The following OSMR variants were observed in gnomAD, a reference collection of about 807,000 sequenced individuals.
OSMR encodes oncostatin-M-specific receptor subunit beta.
OSMR carries 81 observed loss-of-function variants against 99.9 expected under a neutral mutation model. That is an observed-to-expected ratio of 0.81 (90% CI 0.68 to 0.97). The LOEUF (loss-of-function observed/expected upper bound fraction) is 0.97. OSMR is among the 50% of genes least tolerant of loss of function. The pLI is 0.00. For missense variants in OSMR, 1,099 were observed against 1,153.4 expected, an observed-to-expected ratio of 0.95 and a Z score of 0.68; for synonymous variants, 406 against 410.4, an observed-to-expected ratio of 0.99 and a Z score of 0.13.
intron 9 of OSMR, among the ~76,000 whole-genome samples, chr5:38,910,904 G>C (rs1745536924): frequency 6.6e-6 from 1 of 152,182 alleles, no homozygotes; most frequent in African/African-American, 2.4e-5. Flanking sequence ...CAGCCAGTCG[G>C]GAGGCTGAGG....
At chr5:38,868,956 C>T in intron 1 of OSMR, 76 bp from the exon 2 acceptor site, 4 of 1,552,896 alleles carry the variant, frequency 2.6e-6, no homozygotes. Flanking sequence ...GCCTCATCTA[C>T]CACAATTGGC....
In OSMR at chr5:38,944,603, C is replaced by T. The variant is rs775632595; in HGVS notation, c.*86+284C>T. ...ATTTCAGGGAGAAGTTAAATATTAT[C>T]TATGTCACAATAAAATGATTAAAAC... On this transcript the variant is annotated intron_variant and NMD_transcript_variant, in intron 2 of 2. Transcript: ENST00000508882. 3 of 1,525,218 alleles carry T rather than the reference C, an allele frequency of 2.0e-6. No individual in the cohort carries two copies. In the East Asian group the frequency reaches 6.8e-5, roughly 35 times the overall value. The allele number at this position is 1,525,218 out of a possible 1,614,324, so 94.5% of individuals were successfully genotyped here.
rs1021607294 is a variant in OSMR at position 38,919,372 on chromosome 5, T to G, written c.1585+310T>G. The G allele has an allele frequency of 3.0e-6, 4 of 1,340,480 alleles. No individual in the cohort carries two copies. In the African/African-American group the frequency reaches 5.9e-5, roughly 20 times the overall value. The allele number at this position is 1,340,480 out of a possible 1,614,324, so 83.0% of individuals were successfully genotyped here. On this transcript the variant is annotated intron_variant, in intron 11 of 17. Coordinates refer to ENST00000274276, the MANE Select transcript of OSMR (RefSeq NM_003999.3). ...CTAACAAACAGTCACCACTGAGAGT[T>G]GGAGTTACTATTTATGATCTTTGTG...
At chr5:38,852,974 G>A (rs112672177) in intron 1 of OSMR, among the ~76,000 whole-genome samples, 9,903 of 151,494 alleles carry the variant, frequency 0.065, 674 homozygotes, top group African/African-American at 0.17. Flanking sequence ...CTCGTGATCC[G>A]CCCGCCTCGG....
At chr5:38,846,831 A>G (rs1739871522) in intron 1 of OSMR, among the ~76,000 whole-genome samples, 1 of 152,178 alleles carries the variant, frequency 6.6e-6, no homozygotes. Context: ...AACTTGTCCA[A>G]GGCCATATGG....
intron 11 of OSMR, among the ~76,000 whole-genome samples, chr5:38,920,830 C>T (rs886603126): frequency 3.9e-5 from 6 of 152,154 alleles, no homozygotes; most frequent in African/African-American, 1.2e-4. Flanking sequence ...AACTGGTAGT[C>T]CCCTGAGGCC....
chr5:38,896,037 T>A (rs2112484794), intron 7 of OSMR, among the ~76,000 whole-genome samples: 1 of 152,258 alleles, frequency 6.6e-6, no homozygotes, highest in East Asian at 1.9e-4. Flanking sequence ...ATTACCATGC[T>A]GTTTTGGTTA....
chr5:38,851,580 T>C (rs1252996500), intron 1 of OSMR, among the ~76,000 whole-genome samples: 1 of 152,210 alleles, frequency 6.6e-6, no homozygotes. Flanking sequence ...TCCACAGATC[T>C]GAAGGGGCAG....
At chr5:38,898,861 T>G (rs1240522752) in intron 7 of OSMR, among the ~76,000 whole-genome samples, 1 of 151,964 alleles carries the variant, frequency 6.6e-6, no homozygotes. Context: ...AACATAATAC[T>G]GCTTACATAA....
chr5:38,870,007 C>G (rs1039422), intron 2 of OSMR, among the ~76,000 whole-genome samples: 37,758 of 151,868 alleles, frequency 0.25, 5,063 homozygotes, highest in East Asian at 0.59. Flanking sequence ...TCTCATCTTT[C>G]TTGAAACTCC....
At position 38,924,315 on chromosome 5, in the gene OSMR, C is replaced by G. The variant is rs115969782; in HGVS notation, c.1871-107C>G. 8.0e-4 allele frequency: 1,263 copies of G among 1,574,590 alleles called. 12 individuals carry two copies. The African/African-American group carries it at 0.015, about 19-fold the overall frequency. ...ATAAAACTCCTTAACTTGGCATAAG[C>G]TGTTACAACCTCCAGAGCTGGCTAT... is the stretch of plus-strand genomic sequence containing the variant. On this transcript the variant is annotated intron_variant, in intron 13 of 17. Transcript: ENST00000274276.
chr5:38,877,308 A>G (rs1185020037), intron 3 of OSMR, among the ~76,000 whole-genome samples: 1 of 152,224 alleles, frequency 6.6e-6, no homozygotes, highest in African/African-American at 2.4e-5. Flanking sequence ...TTGGTAAGGC[A>G]TACAAGTCAC....
Position 38,846,676 on chromosome 5 carries a change from C to T in OSMR, c.-14+289C>T, listed in dbSNP as rs551955765. ...TCCCACCTGGTCCCTAGCGTAGAAG[C>T]GGGAGGAGCTCAAGCACAGGTGGAG... On this transcript the variant is annotated intron_variant, in intron 1 of 17. Transcript: ENST00000274276. Among the ~76,000 whole-genome samples the T allele has an allele frequency of 9.1e-4, 139 of 152,236 alleles. 3 individuals carry two copies. Among genetic ancestry groups the T allele is most frequent in the African/African-American group, 3.2e-3 (134 of 41,542 alleles).
chr5:38,883,647 G>C (rs934643830), intron 4 of OSMR, 180 bp from the exon 5 acceptor site: 32 of 957,992 alleles, frequency 3.3e-5, no homozygotes, highest in Non-Finnish European at 6.2e-6. Context: ...TAGGAGCAGT[G>C]GTGGAAAGGA....
intron 9 of OSMR, among the ~76,000 whole-genome samples, chr5:38,908,184 G>A (rs2112568687): frequency 6.6e-6 from 1 of 152,276 alleles, no homozygotes; most frequent in Middle Eastern, 3.4e-3. Context: ...AACTGCCAAT[G>A]TGAATGCATG....
chr5:38,901,266 T>A (rs962121831), intron 7 of OSMR, among the ~76,000 whole-genome samples: 10 of 152,232 alleles, frequency 6.6e-5, no homozygotes, highest in African/African-American at 2.4e-4. Flanking sequence ...AGACCATTGG[T>A]AGGCATATTT....
chr5:38,884,147 A>G (rs1377640504), intron 5 of OSMR, 36 bp downstream of exon 5: 3 of 1,400,394 alleles, frequency 2.1e-6, no homozygotes, highest in Non-Finnish European at 2.0e-6. Context: ...CTTTCTTCTC[A>G]TTTCCTGAGG....
intron 9 of OSMR, among the ~76,000 whole-genome samples, chr5:38,911,685 C>T (rs556983540): frequency 2.0e-5 from 3 of 152,254 alleles, no homozygotes; most frequent in African/African-American, 7.2e-5. Context: ...CAATCCAGAT[C>T]CAGCAGCACA....
chr5:38,888,670 C>G (rs1198650760), intron 7 of OSMR, among the ~76,000 whole-genome samples: 2 of 152,056 alleles, frequency 1.3e-5, no homozygotes, highest in African/African-American at 4.8e-5. Context: ...AATAATTGTA[C>G]TATATCATCA....
Sources: gnomAD v4.1 joint callset for allele counts (sites outside exome capture counted in the v4.1 genomes callset) on GRCh38, gnomAD v4.1.1 for gene constraint, MANE v1.5 for transcripts, NCBI Gene and HGNC (gene_info 2026-07-23, HGNC 2026-07-21) for gene names.